The following IL1RAPL2 variants were observed in gnomAD, a reference collection of about 807,000 sequenced individuals.
IL1RAPL2 encodes the protein interleukin 1 receptor accessory protein like 2, also known as X-linked interleukin-1 receptor accessory protein-like 2.
IL1RAPL2 carries 3 observed loss-of-function variants against 44.1 expected under a neutral mutation model. The ratio of observed to expected loss-of-function variants is 0.07; its 90% CI spans 0.03 to 0.18. IL1RAPL2 has a LOEUF of 0.18. Among genes scored for constraint, IL1RAPL2 ranks in the 10% least tolerant of loss-of-function variants. The pLI, the probability that IL1RAPL2 is intolerant of heterozygous loss-of-function variation, is 1.00. For missense variants in IL1RAPL2, 391 were observed against 496.4 expected, an observed-to-expected ratio of 0.79 and a Z score of 2.02; for synonymous variants, 181 against 178.8, an observed-to-expected ratio of 1.01 and a Z score of -0.10.
intron 2 of IL1RAPL2, among the ~76,000 whole-genome samples, chrX:104,875,293 C>G (rs183955658): frequency 9.0e-6 from 1 of 111,587 alleles, no homozygotes; most frequent in African/African-American, 3.3e-5. Context: ...TTGACTCATA[C>G]TTATTGGTTT....
At chrX:104,777,773 C>T (rs1303115023) in intron 2 of IL1RAPL2, among the ~76,000 whole-genome samples, 1 of 108,804 alleles carries the variant, frequency 9.2e-6, no homozygotes, top group Admixed American at 9.9e-5. Flanking sequence ...GTAGAGACGG[C>T]GTTTCACCAT....
chrX:105,184,119 C>T (rs1556132456), intron 2 of IL1RAPL2, among the ~76,000 whole-genome samples: 1 of 111,919 alleles, frequency 8.9e-6, no homozygotes, highest in African/African-American at 3.2e-5. Flanking sequence ...TGGAGAGTCT[C>T]TCCAGGCTTC....
chrX:105,038,177 G>A (rs1025227485), intron 2 of IL1RAPL2, among the ~76,000 whole-genome samples: 1 of 106,050 alleles, frequency 9.4e-6, no homozygotes, highest in Non-Finnish European at 1.9e-5. Flanking sequence ...ACTCTATTCT[G>A]TCCTCTATCC....
At chrX:105,358,046 A>G (rs180886606) in intron 5 of IL1RAPL2, among the ~76,000 whole-genome samples, 3,116 of 93,056 alleles carry the variant, frequency 0.033, 89 homozygotes, top group African/African-American at 0.16. Context: ...CTAAAAAAAA[A>G]AAAAAAAAAA....
intron 2 of IL1RAPL2, among the ~76,000 whole-genome samples, chrX:105,191,653 A>G (rs549417862): frequency 8.9e-4 from 100 of 112,576 alleles, no homozygotes; most frequent in African/African-American, 3.1e-3. Context: ...ATTGCTATTC[A>G]TAAGACTTGA....
At position 104,974,460 on chromosome X, in the gene IL1RAPL2, T is replaced by C. The variant is rs771898334; in HGVS notation, c.83-221015T>C. Among the ~76,000 whole-genome samples the C allele has an allele frequency of 9.8e-5, 11 of 112,624 alleles. No homozygotes were observed. In the East Asian group the frequency reaches 3.1e-3, roughly 31 times the overall value. ...ACACAACACACATTAAACCTGTATA[T>C]ACACTTAAACACATCAAATAAAATG... On this transcript the variant is annotated intron_variant, in intron 2 of 10. Transcript: ENST00000372582.
chrX:104,866,570 G>C (rs911754363), intron 2 of IL1RAPL2, among the ~76,000 whole-genome samples: 10 of 111,767 alleles, frequency 8.9e-5, no homozygotes, highest in African/African-American at 2.9e-4. Flanking sequence ...AAGGAGAGTA[G>C]TTGCCACAGG....
At chrX:104,936,643 G>C (rs1181784912) in intron 2 of IL1RAPL2, among the ~76,000 whole-genome samples, 1 of 84,883 alleles carries the variant, frequency 1.2e-5, no homozygotes, top group Non-Finnish European at 2.1e-5. Flanking sequence ...TTTTTTTTGA[G>C]ATGGAGTCTC....
chrX:104,649,184 A>G (rs1162412248), intron 1 of IL1RAPL2, among the ~76,000 whole-genome samples: 1 of 110,138 alleles, frequency 9.1e-6, no homozygotes, highest in African/African-American at 3.3e-5. Flanking sequence ...GCCTTTGGCT[A>G]TGTTGGTTTC....
At chrX:105,060,585 C>CTTTTTTTTT (rs1161187469) in intron 2 of IL1RAPL2, among the ~76,000 whole-genome samples, 9 of 70,141 alleles carry the variant, frequency 1.3e-4, no homozygotes, top group African/African-American at 4.9e-4. Flanking sequence ...TTTTCTTTTT[C>CTTTTTTTTT]TTTTTTTTTT....
At chrX:105,443,743 C>T (rs1235512757) in intron 5 of IL1RAPL2, among the ~76,000 whole-genome samples, 3 of 112,233 alleles carry the variant, frequency 2.7e-5, no homozygotes, top group Non-Finnish European at 5.6e-5. Flanking sequence ...CATTCATCTG[C>T]TGATGGACAC....
intron 2 of IL1RAPL2, among the ~76,000 whole-genome samples, chrX:104,674,836 G>A (rs1418134416): frequency 9.0e-6 from 1 of 111,716 alleles, no homozygotes; most frequent in Non-Finnish European, 1.9e-5. Flanking sequence ...GAGAGTGTAT[G>A]TGTCAAGGAA....
At chrX:105,407,486 T>C (rs746245075) in intron 5 of IL1RAPL2, among the ~76,000 whole-genome samples, 10 of 111,993 alleles carry the variant, frequency 8.9e-5, no homozygotes, top group Non-Finnish European at 1.9e-4. Flanking sequence ...TTTAAATTGT[T>C]AAAACTTTAT....
chrX:104,944,763 T>C (rs1366850179), intron 2 of IL1RAPL2, among the ~76,000 whole-genome samples: 1 of 111,667 alleles, frequency 9.0e-6, no homozygotes, highest in Admixed American at 9.6e-5. Context: ...CCTCGGGATT[T>C]TTTAATCTAA....
intron 6 of IL1RAPL2, among the ~76,000 whole-genome samples, chrX:105,695,322 T>C (rs1243793010): frequency 9.0e-6 from 1 of 111,679 alleles, no homozygotes; most frequent in Non-Finnish European, 1.9e-5. Context: ...ATGTGTCAGA[T>C]CCAAAGGAAA....
chrX:105,544,059 G>A, intron 6 of IL1RAPL2, among the ~76,000 whole-genome samples: 1 of 111,403 alleles, frequency 9.0e-6, no homozygotes. Flanking sequence ...CATGGAGTGT[G>A]TTTCCATTTG....
chrX:105,440,673 C>T (rs1168867198), intron 5 of IL1RAPL2, among the ~76,000 whole-genome samples: 1 of 112,219 alleles, frequency 8.9e-6, no homozygotes, highest in Non-Finnish European at 1.9e-5. Flanking sequence ...ACTAAAGAAA[C>T]AGTTTTGTTC....
intron 5 of IL1RAPL2, among the ~76,000 whole-genome samples, chrX:105,452,797 T>A (rs1478479658): frequency 8.9e-6 from 1 of 112,060 alleles, no homozygotes; most frequent in Non-Finnish European, 1.9e-5. Context: ...ATGTGTAGCT[T>A]GCATGTACCA....
At position 104,902,060 on chromosome X, in the gene IL1RAPL2, T is replaced by G. The variant is rs767879700; in HGVS notation, c.82+243065T>G. On this transcript the variant is annotated intron_variant, in intron 2 of 10. Coordinates refer to ENST00000372582, the MANE Select transcript of IL1RAPL2 (RefSeq NM_017416.2). ...TTAAAAACAGTTATTAGCTGTTTGTTTCTATCAGCAGATTCTAGACCCAGA... is the reference window on the plus strand; with the variant it reads ...TTAAAAACAGTTATTAGCTGTTTGTGTCTATCAGCAGATTCTAGACCCAGA... Among the ~76,000 whole-genome samples, 3 of 112,380 alleles carry G rather than the reference T, an allele frequency of 2.7e-5. No individual in the cohort carries two copies. In the South Asian group the frequency reaches 1.1e-3, roughly 41 times the overall value.
Sources: gnomAD v4.1 joint callset for allele counts (sites outside exome capture counted in the v4.1 genomes callset) on GRCh38, gnomAD v4.1.1 for gene constraint, MANE v1.5 for transcripts, NCBI Gene and HGNC (gene_info 2026-07-23, HGNC 2026-07-21) for gene names.